The following DOCK2 variants were observed in gnomAD, a reference collection of about 807,000 sequenced individuals.
DOCK2 encodes the protein dedicator of cytokinesis 2.
DOCK2 carries 87 observed loss-of-function variants against 248.9 expected under a neutral mutation model. The observed-to-expected ratio is 0.35, with a 90% CI of 0.29 to 0.42. The LOEUF (loss-of-function observed/expected upper bound fraction) is 0.42. DOCK2 is among the 10% of genes least tolerant of loss of function. The pLI, the probability that DOCK2 is intolerant of heterozygous loss-of-function variation, is 1.00. For missense variants in DOCK2, 1,747 were observed against 2,300.2 expected (o/e 0.76, Z 4.92); for synonymous variants, 805 against 821.6 (o/e 0.98, Z 0.35).
intron 26 of DOCK2, among the ~76,000 whole-genome samples, chr5:169,837,316 A>C (rs113156713): frequency 1.2e-4 from 19 of 152,194 alleles, no homozygotes; most frequent in African/African-American, 4.6e-4. Context: ...GTCTCCCTCC[A>C]CTTGCCTGGC....
chr5:170,055,610 C>T (rs1160026875), intron 42 of DOCK2, among the ~76,000 whole-genome samples: 3 of 152,256 alleles, frequency 2.0e-5, no homozygotes, highest in African/African-American at 7.2e-5. Flanking sequence ...AGGGTTATGG[C>T]TCAGCAAATC....
At chr5:169,902,280 A>G (rs1359690622) in intron 27 of DOCK2, among the ~76,000 whole-genome samples, 1 of 152,248 alleles carries the variant, frequency 6.6e-6, no homozygotes, top group Non-Finnish European at 1.5e-5. Flanking sequence ...GATAACCAGC[A>G]TCACTTGGTG....
chr5:170,053,601 G>A (rs1757001626), intron 41 of DOCK2, among the ~76,000 whole-genome samples: 1 of 152,222 alleles, frequency 6.6e-6, no homozygotes, highest in South Asian at 2.1e-4. Flanking sequence ...AATCCAGAGT[G>A]ATTTTCTTCC....
intron 46 of DOCK2, among the ~76,000 whole-genome samples, chr5:170,072,258 G>C (rs1757701664): frequency 6.6e-6 from 1 of 152,030 alleles, no homozygotes. Context: ...CTTATAAATT[G>C]TATTATACAG....
At chr5:169,837,252 T>A in intron 26 of DOCK2, among the ~76,000 whole-genome samples, 1 of 152,240 alleles carries the variant, frequency 6.6e-6, no homozygotes, top group Non-Finnish European at 1.5e-5. Context: ...ACTGATTTTG[T>A]CATTTCAATT....
chr5:170,029,882 G>C (rs1756066962), intron 34 of DOCK2, among the ~76,000 whole-genome samples: 1 of 152,336 alleles, frequency 6.6e-6, no homozygotes, highest in Admixed American at 6.5e-5. Flanking sequence ...CAGAGGACAG[G>C]ATGGCGCCCC....
At position 169,931,149 on chromosome 5, in the gene DOCK2, A is replaced by G. The variant is rs77114894; in HGVS notation, c.2800-51919A>G. Among the ~76,000 whole-genome samples the G allele has an allele frequency of 5.9e-3, 898 of 152,318 alleles. 9 individuals are homozygous for G. Among genetic ancestry groups the G allele is most frequent in the African/African-American group, 0.02 (814 of 41,576 alleles). ...AACACCCTTGATCTTAGGATTAAGC[A>G]TTGTCTGGGATATTTTGAGTCATGA... On this transcript the variant is annotated intron_variant, in intron 27 of 51. Coordinates refer to ENST00000520908, the MANE Select transcript of DOCK2 (RefSeq NM_004946.3).
chr5:170,059,915 G>A (rs933282059), intron 44 of DOCK2, among the ~76,000 whole-genome samples: 1 of 152,222 alleles, frequency 6.6e-6, no homozygotes, highest in African/African-American at 2.4e-5. Context: ...GTTGGCCAGA[G>A]TGAATTTATC....
At chr5:169,840,599 A>T (rs938672727) in intron 26 of DOCK2, among the ~76,000 whole-genome samples, 158 bp from the exon 27 acceptor site, 1 of 151,782 alleles carries the variant, frequency 6.6e-6, no homozygotes, top group Admixed American at 6.6e-5. Context: ...GATGATGATG[A>T]TGATGATGAT....
At chr5:169,848,143 A>G (rs774634793) in intron 27 of DOCK2, among the ~76,000 whole-genome samples, 4 of 152,186 alleles carry the variant, frequency 2.6e-5, no homozygotes, top group African/African-American at 2.4e-5. Context: ...ACAGATTGTA[A>G]TCTTCAGAGA....
chr5:170,051,506 A>G (rs1581558556), intron 41 of DOCK2, among the ~76,000 whole-genome samples: 2 of 152,152 alleles, frequency 1.3e-5, no homozygotes, highest in Non-Finnish European at 2.9e-5. Flanking sequence ...GCTTGGCGTC[A>G]CCTTCTGGAA....
intron 50 of DOCK2, chr5:170,081,527 G>A (rs1186690449): frequency 1.6e-5 from 5 of 307,868 alleles, no homozygotes; most frequent in Admixed American, 1.4e-4. Context: ...TGGAGGAAGA[G>A]TAAGCTCACA....
At chr5:169,741,472 C>G (rs262848) in intron 22 of DOCK2, among the ~76,000 whole-genome samples, 40,573 of 152,046 alleles carry the variant, frequency 0.27, 7,105 homozygotes, top group African/African-American at 0.47. Flanking sequence ...GAATACACAT[C>G]ACTCCTTGAC....
intron 27 of DOCK2, among the ~76,000 whole-genome samples, chr5:169,976,708 G>C (rs1188682147): frequency 6.6e-6 from 1 of 152,162 alleles, no homozygotes; most frequent in Non-Finnish European, 1.5e-5. Flanking sequence ...GCCCCTCTTC[G>C]AGCCTTGATT....
chr5:169,959,779 G>A (rs1777009091), intron 27 of DOCK2, among the ~76,000 whole-genome samples: 1 of 152,130 alleles, frequency 6.6e-6, no homozygotes, highest in Non-Finnish European at 1.5e-5. Context: ...TAGATCTAGA[G>A]AGATCTAGAA....
At chr5:169,690,112 G>A (rs551678252) in intron 9 of DOCK2, among the ~76,000 whole-genome samples, 3 of 149,328 alleles carry the variant, frequency 2.0e-5, no homozygotes, top group East Asian at 2.0e-4. Context: ...GGGGTGCAGT[G>A]GCACCATCTC....
At chr5:169,876,164 C>G (rs890669023) in intron 27 of DOCK2, among the ~76,000 whole-genome samples, 37 of 152,214 alleles carry the variant, frequency 2.4e-4, no homozygotes, top group Admixed American at 2.6e-4. Flanking sequence ...TGGCCTCCCT[C>G]TTTCTCTGCG....
intron 27 of DOCK2, chr5:169,883,330 C>T (rs1370730993): frequency 1.3e-6 from 2 of 1,551,612 alleles, no homozygotes; most frequent in Non-Finnish European, 1.7e-6. Flanking sequence ...CCTCCAAGTT[C>T]CTGCTTCCAA....
At chr5:169,713,212 A>G (rs1226948286) in intron 17 of DOCK2, among the ~76,000 whole-genome samples, 2 of 152,046 alleles carry the variant, frequency 1.3e-5, no homozygotes, top group Non-Finnish European at 2.9e-5. Flanking sequence ...CAGAATGTGA[A>G]CTCCTTGGGG....
Sources: allele counts gnomAD v4.1 joint callset (sites outside exome capture counted in the v4.1 genomes callset), GRCh38; gene constraint gnomAD v4.1.1; transcripts MANE v1.5; gene names NCBI Gene and HGNC (gene_info 2026-07-23, HGNC 2026-07-21).